The following PLCL1 variants were observed in gnomAD, a reference collection of about 807,000 sequenced individuals.
PLCL1 encodes inactive phospholipase C-like protein 1.
Under a neutral mutation model 84.4 loss-of-function variants are expected in PLCL1, and 41 were observed. That is an observed-to-expected ratio of 0.49 (90% CI 0.38 to 0.63). The LOEUF is 0.63. Among genes scored for constraint, PLCL1 ranks in the 30% least tolerant of loss-of-function variants. The pLI is 0.00. For synonymous variants in PLCL1, 490 were observed against 488.3 expected, an observed-to-expected ratio of 1.00 and a Z score of -0.05; for missense variants, 1,206 against 1,367.8, an observed-to-expected ratio of 0.88 and a Z score of 1.87.
At chr2:198,022,582 C>A (rs1691164038) in intron 1 of PLCL1, among the ~76,000 whole-genome samples, 1 of 152,164 alleles carries the variant, frequency 6.6e-6, no homozygotes, top group African/African-American at 2.4e-5. Context: ...GCAAAAATCA[C>A]AAGCATTCCT....
intron 1 of PLCL1, among the ~76,000 whole-genome samples, chr2:197,958,355 A>G (rs1214379390): frequency 6.7e-6 from 1 of 148,674 alleles, no homozygotes; most frequent in East Asian, 2.0e-4. Context: ...ACCATAGCTT[A>G]TGAGCTAAAA....
At chr2:197,856,752 A>G (rs1687335872) in intron 1 of PLCL1, among the ~76,000 whole-genome samples, 1 of 152,176 alleles carries the variant, frequency 6.6e-6, no homozygotes, top group African/African-American at 2.4e-5. Context: ...CAGACAACCA[A>G]AGACCAATGT....
At chr2:198,140,399 TA>T (rs2105945020) in intron 5 of PLCL1, among the ~76,000 whole-genome samples, 1 of 152,284 alleles carries the variant, frequency 6.6e-6, no homozygotes, top group African/African-American at 2.4e-5. Context: ...AAAACTATTT[TA>T]AAAAACATGG....
chr2:197,863,779 C>G (rs942771552), intron 1 of PLCL1, among the ~76,000 whole-genome samples: 2 of 152,030 alleles, frequency 1.3e-5, no homozygotes, highest in Non-Finnish European at 2.9e-5. Context: ...GAAGTCATCC[C>G]GTGTATAAAC....
chr2:197,926,540 C>T (rs1688834207), intron 1 of PLCL1, among the ~76,000 whole-genome samples: 1 of 152,158 alleles, frequency 6.6e-6, no homozygotes, highest in Non-Finnish European at 1.5e-5. Context: ...AAATTTGTCT[C>T]TTTAACTTTG....
chr2:198,017,812 G>T (rs758314097), intron 1 of PLCL1, among the ~76,000 whole-genome samples: 1 of 152,184 alleles, frequency 6.6e-6, no homozygotes, highest in African/African-American at 2.4e-5. Flanking sequence ...GGGCAACACT[G>T]GTCAGGCATT....
chr2:197,897,238 CCTT>C lies in PLCL1; in HGVS notation c.240+91904_240+91906del, dbSNP rs1274388442. Among the ~76,000 whole-genome samples the C allele has an allele frequency of 5.7e-4, 82 of 143,426 alleles. 1 individual carries two copies. The highest frequency in any genetic ancestry group is 2.0e-3 in the African/African-American group (79 of 39,146). The allele number at this position is 143,426 out of a possible 152,430, so 94.1% of individuals were successfully genotyped here. On this transcript the variant is annotated intron_variant, in intron 1 of 5. Coordinates refer to ENST00000428675, the MANE Select transcript of PLCL1 (RefSeq NM_006226.4). Reference sequence around the variant, plus strand: ...TCCTCTTCTTCCTCTTCTTCTTCCTCCTTCTTCCTCTTCCTCTTCTTTTTTGTT... The same window carrying C: ...TCCTCTTCTTCCTCTTCTTCTTCCTCCTTCCTCTTCCTCTTCTTTTTTGTT...
At chr2:198,038,697 A>G (rs558478292) in intron 1 of PLCL1, among the ~76,000 whole-genome samples, 3 of 152,224 alleles carry the variant, frequency 2.0e-5, no homozygotes, top group African/African-American at 4.8e-5. Context: ...TGAAATGTAG[A>G]ATACAACAAT....
Position 198,080,490 on chromosome 2 carries a change from C to T in PLCL1, c.241-3268C>T, listed in dbSNP as rs1043776913. On this transcript the variant is annotated intron_variant, in intron 1 of 5. Coordinates refer to ENST00000428675, the MANE Select transcript of PLCL1 (RefSeq NM_006226.4). Reference sequence around the variant, plus strand: ...TGAAGCTTAGAAGGAGATTTGGAGTCGTCCACCCTTCAGTCCGCTGAGGCA... The same window carrying T: ...TGAAGCTTAGAAGGAGATTTGGAGTTGTCCACCCTTCAGTCCGCTGAGGCA... Among the ~76,000 whole-genome samples, 9 of 151,986 alleles carry T rather than the reference C, an allele frequency of 5.9e-5. No homozygotes were observed. In the South Asian group the frequency reaches 6.2e-4, roughly 11 times the overall value.
rs937929631 is a variant in PLCL1 at position 197,990,539 on chromosome 2, C to T, written c.241-93219C>T. 2.0e-5 allele frequency among the ~76,000 whole-genome samples: 3 copies of T among 152,294 alleles called. No homozygotes were observed. The South Asian group carries it at 6.2e-4, about 32-fold the overall frequency. On this transcript the variant is annotated intron_variant, in intron 1 of 5. Transcript: ENST00000428675. ...GCAGTAGGTGAAGGAGGAGCAAAGG[C>T]ACATCTTACATGGCGGCAGGCAAGA...
chr2:198,023,796 G>A (rs1393166530), intron 1 of PLCL1, among the ~76,000 whole-genome samples: 2 of 152,184 alleles, frequency 1.3e-5, no homozygotes, highest in Admixed American at 6.5e-5. Context: ...TACCCTGTTG[G>A]TGGGAGTGTA....
At chr2:197,893,837 T>C (rs1256778872) in intron 1 of PLCL1, among the ~76,000 whole-genome samples, 1 of 151,964 alleles carries the variant, frequency 6.6e-6, no homozygotes, top group African/African-American at 2.4e-5. Context: ...TTTAATGTTT[T>C]TGTATAATTA....
chr2:197,857,733 A>G (rs919752935), intron 1 of PLCL1, among the ~76,000 whole-genome samples: 5 of 152,188 alleles, frequency 3.3e-5, no homozygotes, highest in Non-Finnish European at 2.9e-5. Context: ...CTTATTGTGC[A>G]TAAGCAAGTT....
Position 197,995,415 on chromosome 2 carries a change from C to A in PLCL1, c.241-88343C>A, listed in dbSNP as rs80091849. 9.3e-3 allele frequency among the ~76,000 whole-genome samples: 1,413 copies of A among 152,164 alleles called. 22 individuals carry two copies. The highest frequency in any genetic ancestry group is 0.032 in the African/African-American group (1,339 of 41,516). Reference sequence around the variant, plus strand: ...TCCCCCTGCTCCAGGAGCTTGCTATCGCCATCCAATGGAAAGGAAAGCAAC... The same window carrying A: ...TCCCCCTGCTCCAGGAGCTTGCTATAGCCATCCAATGGAAAGGAAAGCAAC... On this transcript the variant is annotated intron_variant, in intron 1 of 5. Transcript: ENST00000428675.
chr2:198,025,718 G>A (rs1198422936), intron 1 of PLCL1, among the ~76,000 whole-genome samples: 1 of 152,120 alleles, frequency 6.6e-6, no homozygotes, highest in Non-Finnish European at 1.5e-5. Context: ...AGTGTGACAA[G>A]CCTGGTGCCA....
intron 1 of PLCL1, among the ~76,000 whole-genome samples, chr2:198,077,652 A>G (rs920372903): frequency 2.0e-5 from 3 of 152,136 alleles, no homozygotes; most frequent in Non-Finnish European, 4.4e-5. Context: ...CTTTACGGGT[A>G]TAACTTCCAA....
chr2:198,106,024 C>T (rs1422532632), intron 5 of PLCL1, among the ~76,000 whole-genome samples: 1 of 151,816 alleles, frequency 6.6e-6, no homozygotes, highest in Non-Finnish European at 1.5e-5. Context: ...ATTTAAAGAA[C>T]ACTCATTTTG....
chr2:197,836,303 C>T (rs941698074), intron 1 of PLCL1, among the ~76,000 whole-genome samples: 2 of 151,580 alleles, frequency 1.3e-5, no homozygotes, highest in Non-Finnish European at 2.9e-5. Flanking sequence ...AAAAATTAGC[C>T]GGGCGTAGTG....
intron 5 of PLCL1, among the ~76,000 whole-genome samples, chr2:198,143,616 C>T (rs1010458165): frequency 4.6e-5 from 7 of 152,088 alleles, no homozygotes; most frequent in Admixed American, 2.0e-4. Context: ...GGAAAAAAGT[C>T]AGCATGCCAA....
Sources: gnomAD v4.1 joint callset for allele counts (sites outside exome capture counted in the v4.1 genomes callset) on GRCh38, gnomAD v4.1.1 for gene constraint, MANE v1.5 for transcripts, NCBI Gene and HGNC (gene_info 2026-07-23, HGNC 2026-07-21) for gene names.